The following CSMD3 variants were observed in gnomAD, a reference collection of about 807,000 sequenced individuals.
CSMD3 encodes CUB and Sushi multiple domains 3.
CSMD3 carries 177 observed loss-of-function variants against 435.2 expected under a neutral mutation model. That is an observed-to-expected ratio of 0.41 (90% CI 0.36 to 0.46). CSMD3 has a LOEUF of 0.46. Among genes scored for constraint, CSMD3 ranks in the 20% least tolerant of loss-of-function variants. The pLI is 0.34. For missense variants in CSMD3, 4,265 were observed against 4,504.6 expected (o/e 0.95, Z 1.52); for synonymous variants, 1,656 against 1,520.5 (o/e 1.09, Z -2.07).
intron 59 of CSMD3, among the ~76,000 whole-genome samples, chr8:112,267,227 T>C (rs1369190027): frequency 6.6e-6 from 1 of 152,178 alleles, no homozygotes; most frequent in Non-Finnish European, 1.5e-5. Context: ...TTATGAATAA[T>C]GGCATTTAAA....
chr8:112,697,852 A>C (rs1206341127), intron 13 of CSMD3, among the ~76,000 whole-genome samples: 2 of 152,148 alleles, frequency 1.3e-5, no homozygotes, highest in South Asian at 2.1e-4. Context: ...AAAGAGGTAA[A>C]GACTGCACAG....
chr8:113,325,458 T>C (rs889609667), intron 1 of CSMD3, among the ~76,000 whole-genome samples: 1 of 152,180 alleles, frequency 6.6e-6, no homozygotes, highest in African/African-American at 2.4e-5. Context: ...ATGTAAGATG[T>C]GACTTTCTCC....
intron 3 of CSMD3, among the ~76,000 whole-genome samples, chr8:113,254,279 G>A (rs1419063693): frequency 1.3e-5 from 2 of 152,184 alleles, no homozygotes; most frequent in African/African-American, 4.8e-5. Context: ...ACAGAAAGCA[G>A]CCTAAAAAAT....
At chr8:112,499,782 C>T (rs1821751771) in intron 30 of CSMD3, among the ~76,000 whole-genome samples, 1 of 152,052 alleles carries the variant, frequency 6.6e-6, no homozygotes, top group Admixed American at 6.6e-5. Flanking sequence ...TTAAGAGGTT[C>T]TTAAATGAAA....
At chr8:112,746,944 A>G (rs2077440127) in intron 13 of CSMD3, among the ~76,000 whole-genome samples, 2 of 152,102 alleles carry the variant, frequency 1.3e-5, no homozygotes, top group African/African-American at 4.8e-5. Flanking sequence ...ATTCATGTAG[A>G]CATTCTACCC....
chr8:112,298,066 C>CAAAAAAA (rs35232021), intron 53 of CSMD3, among the ~76,000 whole-genome samples: 8 of 93,566 alleles, frequency 8.6e-5, no homozygotes, highest in Admixed American at 1.3e-4. Flanking sequence ...TGCCATTGCA[C>CAAAAAAA]AAAAAAAAAA....
intron 68 of CSMD3, among the ~76,000 whole-genome samples, chr8:112,234,020 A>G (rs887608845): frequency 6.6e-6 from 1 of 152,028 alleles, no homozygotes; most frequent in South Asian, 2.1e-4. Context: ...TTTATTTATC[A>G]TAGTGCTGAT....
intron 3 of CSMD3, among the ~76,000 whole-genome samples, chr8:113,222,739 A>G (rs890861320): frequency 6.6e-6 from 1 of 151,020 alleles, no homozygotes; most frequent in Non-Finnish European, 1.5e-5. Context: ...AACAACTCAT[A>G]TTGACCTTTT....
intron 8 of CSMD3, among the ~76,000 whole-genome samples, chr8:112,948,338 T>A (rs1167019325): frequency 6.6e-6 from 1 of 152,040 alleles, no homozygotes; most frequent in Admixed American, 6.6e-5. Context: ...ACACTTCTTA[T>A]CTGGTATATG....
In CSMD3 at chr8:112,550,715, G is replaced by A. The variant is rs773527015; in HGVS notation, c.4520C>T (p.Thr1507Met). 6.2e-6 allele frequency: 10 copies of A among 1,607,468 alleles called. No individual in the cohort carries two copies. The highest frequency in any genetic ancestry group is 1.7e-4 in the Middle Eastern group (1 of 6,042). Reference protein sequence around the residue: ...TLNIVTIQFDTDFYISKSGFA... With the variant: ...TLNIVTIQFDMDFYISKSGFA... ...TCCAGATTTGCTAATATAAAAATCC[G>A]TGTCAAACTGGATGGTTACTATATT... Residue 1507 changes from threonine to methionine, a missense_variant, in exon 27 of 71, where the codon ACG becomes ATG. Thr to Met is a moderately conservative substitution (Grantham distance 81, BLOSUM62 -1). Around this residue, in one of 3 missense-constraint regions of CSMD3, gnomAD observed 3,255 missense variants for 3,380.2 expected, o/e 0.96. Transcript: ENST00000297405.
At chr8:112,658,081 A>T (rs1231453457) in intron 17 of CSMD3, among the ~76,000 whole-genome samples, 1 of 152,218 alleles carries the variant, frequency 6.6e-6, no homozygotes, top group East Asian at 1.9e-4. Flanking sequence ...ACAAAAAAGT[A>T]TCCAACATAA....
At position 113,153,101 on chromosome 8, in the gene CSMD3, A is replaced by AAAGAAAGAAAGAAAGAAAGAAAG. The variant is rs35085690; in HGVS notation, c.709+20620_709+20621insCTTTCTTTCTTTCTTTCTTTCTT. ...AAAAGAAAGAAAGAAAGAAAGAAAGAAAAGAAAGAAAGAAAGAAAGAAAGA... is the reference window on the plus strand; with the variant it reads ...AAAAGAAAGAAAGAAAGAAAGAAAGAAAGAAAGAAAGAAAGAAAGAAAGAAAGAAAGAAAGAAAGAAAGAAAGA... On this transcript the variant is annotated intron_variant, in intron 4 of 70. Transcript: ENST00000297405. Among the ~76,000 whole-genome samples the AAAGAAAGAAAGAAAGAAAGAAAG allele has an allele frequency of 1.2e-3, 125 of 100,044 alleles. 1 individual carries two copies. The highest frequency in any genetic ancestry group is 3.4e-3 in the African/African-American group (72 of 21,270). 65.6% of individuals were successfully genotyped at this position (100,044 alleles called of 152,430 possible).
At chr8:112,508,132 C>T (rs1822725088) in intron 28 of CSMD3, among the ~76,000 whole-genome samples, 1 of 152,150 alleles carries the variant, frequency 6.6e-6, no homozygotes, top group Non-Finnish European at 1.5e-5. Flanking sequence ...ATCCAAAACA[C>T]TTGTTCAATT....
At chr8:112,341,723 C>T (rs1413241925) in intron 41 of CSMD3, 37 bp from the exon 42 acceptor site, 1 of 1,312,680 alleles carries the variant, frequency 7.6e-7, no homozygotes, top group East Asian at 2.4e-5. Context: ...ACTTTATTTG[C>T]TTTACCGAAT....
intron 11 of CSMD3, among the ~76,000 whole-genome samples, chr8:112,830,571 G>T (rs949048054): frequency 3.3e-5 from 5 of 151,924 alleles, no homozygotes; most frequent in Non-Finnish European, 7.4e-5. Flanking sequence ...ATTACATAAT[G>T]TCCTGCATAG....
chr8:113,396,622 T>C (rs918942247), intron 1 of CSMD3, among the ~76,000 whole-genome samples: 1 of 152,168 alleles, frequency 6.6e-6, no homozygotes, highest in Non-Finnish European at 1.5e-5. Context: ...AGTGCTAAGA[T>C]ATTGTATGTC....
chr8:112,584,001 T>C (rs1456554661), intron 23 of CSMD3, among the ~76,000 whole-genome samples: 1 of 151,806 alleles, frequency 6.6e-6, no homozygotes, highest in African/African-American at 2.4e-5. Flanking sequence ...TAAAATTATT[T>C]ATCCACCTTT....
intron 13 of CSMD3, among the ~76,000 whole-genome samples, chr8:112,760,321 C>G (rs1342366870): frequency 6.6e-6 from 1 of 152,052 alleles, no homozygotes; most frequent in African/African-American, 2.4e-5. Context: ...TTCTCACTTC[C>G]TTTTGTAAAG....
intron 13 of CSMD3, among the ~76,000 whole-genome samples, chr8:112,772,330 T>A (rs1031582807): frequency 1.3e-5 from 2 of 152,104 alleles, no homozygotes; most frequent in East Asian, 1.9e-4. Context: ...CCCTAAGACA[T>A]GTGCTGTGTC....
Sources: gnomAD v4.1 joint callset for allele counts (sites outside exome capture counted in the v4.1 genomes callset) on GRCh38, gnomAD v4.1.1 for gene constraint, gnomAD v4.1.1 regional missense constraint, MANE v1.5 for transcripts, NCBI Gene and HGNC (gene_info 2026-07-23, HGNC 2026-07-21) for gene names.